The following BAZ2A variants were observed in gnomAD, a reference collection of about 807,000 sequenced individuals.
BAZ2A encodes bromodomain adjacent to zinc finger domain protein 2A.
Under a neutral mutation model 199.9 loss-of-function variants are expected in BAZ2A, and 34 were observed. That is an observed-to-expected ratio of 0.17 (90% CI 0.13 to 0.23). The LOEUF is 0.23. Ranked by LOEUF, BAZ2A falls within the 10% of genes least tolerant of loss-of-function variation. BAZ2A has a pLI of 1.00. For synonymous variants in BAZ2A, 857 were observed against 883.9 expected (o/e 0.97, Z 0.54); for missense variants, 2,002 against 2,391.1 (o/e 0.84, Z 3.39).
At chr12:56,619,466 G>A (rs1405088769) in intron 1 of BAZ2A, among the ~76,000 whole-genome samples, 6 of 143,164 alleles carry the variant, frequency 4.2e-5, no homozygotes, top group Non-Finnish European at 7.5e-5. Context: ...CCATGATCAT[G>A]CCACTGCACT....
At position 56,597,236 on chromosome 12, in the gene BAZ2A, G is replaced by A. The variant is rs905035182; in HGVS notation, c.*1382C>T. The A allele has an allele frequency of 6.5e-6, 1 of 152,676 alleles. No homozygotes were observed. The highest frequency in any genetic ancestry group is 1.5e-5 in the Non-Finnish European group (1 of 68,176). The allele number at this position is 152,676 out of a possible 1,614,324, so 9.5% of individuals were successfully genotyped here. A position where few individuals can be genotyped will look rare whatever the true frequency, so the allele number is the denominator to read the frequency against. Reference sequence around the variant, plus strand: ...GTGCTCCAGGGTCTCTGCTGCTGGGGAAGGGGTCCTGGGGTATGAAGTAAA... The same window carrying A: ...GTGCTCCAGGGTCTCTGCTGCTGGGAAAGGGGTCCTGGGGTATGAAGTAAA... On this transcript the variant is annotated 3_prime_UTR_variant, in exon 29 of 29. Coordinates refer to ENST00000549884, the MANE Select transcript of BAZ2A (RefSeq NM_001300905.2).
At chr12:56,622,077 G>A (rs890384097) in intron 1 of BAZ2A, among the ~76,000 whole-genome samples, 2 of 151,256 alleles carry the variant, frequency 1.3e-5, no homozygotes, top group African/African-American at 2.4e-5. Flanking sequence ...AGTGGTTCAC[G>A]CCTGTAATCC....
intron 1 of BAZ2A, among the ~76,000 whole-genome samples, chr12:56,622,977 G>A (rs961315021): frequency 3.3e-5 from 5 of 152,110 alleles, no homozygotes; most frequent in South Asian, 2.1e-4. Context: ...GCAGTGGCTC[G>A]TGTAATCCCA....
At position 56,611,908 on chromosome 12, in the gene BAZ2A, T is replaced by C. The variant is rs780402614; in HGVS notation, c.1474A>G (p.Lys492Glu). 11 of 1,609,986 alleles carry C rather than the reference T, an allele frequency of 6.8e-6. No homozygotes were observed. The highest frequency in any genetic ancestry group is 1.7e-5 in the Admixed American group (1 of 59,492). Residue 492 changes from lysine (K) to glutamate (E), a missense_variant, in exon 6 of 29, where the codon AAA (lysine) becomes GAA (glutamate). Around this residue, in one of 6 missense-constraint regions of BAZ2A, gnomAD observed 641 missense variants for 694.5 expected, o/e 0.92. Coordinates refer to ENST00000549884, the MANE Select transcript of BAZ2A (RefSeq NM_001300905.2). ...VPLTASVTSPKASPVTSPAAA... is the reference protein window; with the variant it reads ...VPLTASVTSPEASPVTSPAAA... ...GCTGGGGAAGTTACGGGAGAGGCTT[T>C]TGGGGATGTCACTGAAGCCGTCAAC...
chr12:56,613,338 T>C, intron 4 of BAZ2A, 105 bp from the exon 5 acceptor site: 1 of 1,140,012 alleles, frequency 8.8e-7, no homozygotes, highest in Non-Finnish European at 1.3e-6. Flanking sequence ...GTTCCCACAA[T>C]GTGAAGATTC....
chr12:56,623,337 C>G (rs951851300), intron 1 of BAZ2A, among the ~76,000 whole-genome samples: 2 of 152,144 alleles, frequency 1.3e-5, no homozygotes, highest in Non-Finnish European at 2.9e-5. Flanking sequence ...TTCTAACCCT[C>G]CAGCCTCTGA....
intron 19 of BAZ2A, among the ~76,000 whole-genome samples, 192 bp from the exon 20 acceptor site, chr12:56,602,384 G>C (rs1950206624): frequency 1.3e-5 from 2 of 152,180 alleles, no homozygotes; most frequent in African/African-American, 4.8e-5. Flanking sequence ...CAAGTAATCA[G>C]CAGCAGCAGC....
chr12:56,609,031 GC>G (rs1950469868), intron 10 of BAZ2A, among the ~76,000 whole-genome samples: 1 of 151,384 alleles, frequency 6.6e-6, no homozygotes, highest in Non-Finnish European at 1.5e-5. Context: ...ACACCACCAC[GC>G]CCAGCTAATT....
At chr12:56,621,083 T>C in intron 1 of BAZ2A, 13 of 985,368 alleles carry the variant, frequency 1.3e-5, no homozygotes, top group Non-Finnish European at 1.6e-5. Context: ...TTTCATCTGA[T>C]CCTCACCTCT....
chr12:56,605,272 G>A lies in BAZ2A; in HGVS notation c.2549C>T (p.Ser850Leu). Residue 850 changes from serine (S) to leucine (L), a missense_variant, in exon 14 of 29, where the codon TCA becomes TTA. Coordinates refer to ENST00000549884, the MANE Select transcript of BAZ2A (RefSeq NM_001300905.2). Reference protein sequence around the residue: ...PGLTLPSGAFSDCLTIVEFLH... With the variant: ...PGLTLPSGAFLDCLTIVEFLH... The stretch of plus-strand genomic sequence containing the variant: ...GAACTCCACAATGGTCAAGCAGTCT[G>A]AGAAGGCTCCACTGGGCAATGTCAG... 1 of 1,613,844 alleles carries A rather than the reference G, an allele frequency of 6.2e-7. No homozygotes were observed. Among genetic ancestry groups the A allele is most frequent in the Non-Finnish European group, 8.5e-7 (1 of 1,179,820 alleles).
At chr12:56,622,152 A>T (rs1461108064) in intron 1 of BAZ2A, among the ~76,000 whole-genome samples, 1 of 152,138 alleles carries the variant, frequency 6.6e-6, no homozygotes, top group African/African-American at 2.4e-5. Context: ...CAGCCTGGCC[A>T]ACATGGCGAA....
At position 56,611,782 on chromosome 12, in the gene BAZ2A, A is replaced by C. The variant is rs1283442413; in HGVS notation, c.1600T>G (p.Ser534Ala). The C allele has an allele frequency of 2.0e-6, 3 of 1,533,762 alleles. No homozygotes were observed. In the Admixed American group the frequency reaches 6.4e-5, roughly 33 times the overall value. ...EEITGEGLTA[S>A]GSGDVMRRRI... The stretch of plus-strand genomic sequence containing the variant: ...GAATCTGGATACTCACCACTACCAG[A>C]AGCAGTGAGTCCTTCTCCAGTGATC... The change falls in exon 6 of 29, where the codon TCT becomes GCT. Residue 534 changes from serine to alanine, a missense_variant. Transcript: ENST00000549884.
intron 1 of BAZ2A, among the ~76,000 whole-genome samples, chr12:56,628,107 G>A (rs1248103582): frequency 2.0e-5 from 3 of 147,138 alleles, no homozygotes; most frequent in Non-Finnish European, 3.0e-5. Context: ...GCTTGAACCC[G>A]GGAGGCAGAG....
chr12:56,615,972 C>T (rs886134972), intron 2 of BAZ2A, among the ~76,000 whole-genome samples: 1 of 152,146 alleles, frequency 6.6e-6, no homozygotes, highest in Non-Finnish European at 1.5e-5. Context: ...GGTGCAATCT[C>T]GACCCACGGC....
At chr12:56,606,127 C>T in intron 12 of BAZ2A, 64 bp from the exon 13 acceptor site, 1 of 1,554,714 alleles carries the variant, frequency 6.4e-7, no homozygotes, top group Non-Finnish European at 8.7e-7. Flanking sequence ...TTCCCTGGTC[C>T]CAGTCCTCCC....
chr12:56,613,728 T>C (rs1475483376), intron 4 of BAZ2A, among the ~76,000 whole-genome samples: 1 of 152,320 alleles, frequency 6.6e-6, no homozygotes, highest in South Asian at 2.1e-4. Flanking sequence ...CCAGAGCTCT[T>C]GGCCAAAAGG....
Position 56,602,560 on chromosome 12 carries a change from AGGTG to A in BAZ2A, c.3424+149_3424+152del, listed in dbSNP as rs562600200. On this transcript the variant is annotated intron_variant, in intron 19 of 28. Transcript: ENST00000549884. ...ATCATACAGCTGGAAATGGCAGAGC[AGGTG>A]GGTAGGCAGCTTTACTCTAAAATCT... is the stretch of plus-strand genomic sequence containing the variant. Among the ~76,000 whole-genome samples, 177 of 152,392 alleles carry A rather than the reference AGGTG, an allele frequency of 1.2e-3. 1 individual carries two copies. Among genetic ancestry groups the A allele is most frequent in the African/African-American group, 4.1e-3 (169 of 41,592 alleles).
chr12:56,626,605 T>C (rs1951103165), intron 1 of BAZ2A, among the ~76,000 whole-genome samples: 1 of 152,224 alleles, frequency 6.6e-6, no homozygotes, highest in African/African-American at 2.4e-5. Context: ...TTAAGAAATA[T>C]ATTTCTCTGA....
At chr12:56,603,945 G>A (rs954310956) in intron 16 of BAZ2A, among the ~76,000 whole-genome samples, 6 of 152,158 alleles carry the variant, frequency 3.9e-5, no homozygotes, top group African/African-American at 7.2e-5. Context: ...CCTGGGAGGC[G>A]GAGGTGGCAG....
Sources: allele counts gnomAD v4.1 joint callset (sites outside exome capture counted in the v4.1 genomes callset), GRCh38; gene constraint gnomAD v4.1.1; regional missense constraint gnomAD v4.1.1; transcripts MANE v1.5; gene names NCBI Gene and HGNC (gene_info 2026-07-23, HGNC 2026-07-21).